The following ZNF573 variants were observed in gnomAD, a reference collection of about 807,000 sequenced individuals.
ZNF573 encodes zinc finger protein 573.
Under a neutral mutation model 57.4 loss-of-function variants are expected in ZNF573, and 41 were observed. That is an observed-to-expected ratio of 0.71 (90% confidence interval 0.56 to 0.93). The LOEUF is 0.93. Ranked by LOEUF, ZNF573 falls within the 40% of genes least tolerant of loss-of-function variation. The pLI is 0.00. For synonymous variants in ZNF573, 249 were observed against 261.0 expected (o/e 0.95, Z 0.44); for missense variants, 730 against 794.8 (o/e 0.92, Z 0.98).
chr19:37,772,671 T>C (rs1175133513), intron 2 of ZNF573, among the ~76,000 whole-genome samples: 1 of 150,220 alleles, frequency 6.7e-6, no homozygotes, highest in Non-Finnish European at 1.5e-5. Context: ...GCTCACTCTG[T>C]TGCCCAGGCT....
chr19:37,759,732 A>T (rs562386987), intron 4 of ZNF573, among the ~76,000 whole-genome samples: 1 of 152,074 alleles, frequency 6.6e-6, no homozygotes, highest in South Asian at 2.1e-4. Flanking sequence ...TGTCTCAAAA[A>T]ATAAATAAAT....
intron 4 of ZNF573, among the ~76,000 whole-genome samples, chr19:37,764,556 T>C (rs958402738): frequency 6.6e-6 from 1 of 151,638 alleles, no homozygotes; most frequent in East Asian, 1.9e-4. Flanking sequence ...CTTGACCTCG[T>C]GATCTGCCCG....
Position 37,738,929 on chromosome 19 carries a change from T to G in ZNF573, c.1561A>C (p.Thr521Pro). ...TTACATTCATAGGGTTTCATACCAGTATGAATTTTCTGATGTTGATTAAGA... is the reference window on the plus strand; with the variant it reads ...TTACATTCATAGGGTTTCATACCAGGATGAATTTTCTGATGTTGATTAAGA... ...GYLNQHQKIH[T>P]GMKPYECKVC... is the part of the protein sequence containing the mutation. Residue 521 changes from threonine (T) to proline (P), a missense_variant, in exon 5 of 5, where the codon ACT (threonine) becomes CCT (proline). Physicochemically the swap from Thr to Pro is conservative, Grantham distance 38. Coordinates refer to ENST00000536220, the MANE Select transcript of ZNF573 (RefSeq NM_001172690.2). 6.2e-7 allele frequency: 1 copy of G among 1,610,524 alleles called. No individual in the cohort carries two copies.
rs1207751384 is a variant in ZNF573 at position 37,773,703 on chromosome 19, T to C, written c.27A>G (p.Gln9=). The change falls in exon 2 of 5, where the codon CAA becomes CAG. Residue 9 remains glutamine (Q), a synonymous_variant. Coordinates refer to ENST00000536220, the MANE Select transcript of ZNF573 (RefSeq NM_001172690.2). ...AATTGTAAGACCTGATCAGTCCTAC[T>C]TGGTGGGGTTCCAATACTGGAAACA... MFPVLEPH[Q]VGLIRSYNSK... 8.5e-6 allele frequency: 13 copies of C among 1,535,774 alleles called. No individual in the cohort carries two copies. Among genetic ancestry groups the C allele is most frequent in the African/African-American group, 2.7e-5 (2 of 73,042 alleles).
chr19:37,773,266 T>C (rs1430141880), intron 2 of ZNF573, among the ~76,000 whole-genome samples: 2 of 152,234 alleles, frequency 1.3e-5, no homozygotes, highest in African/African-American at 4.8e-5. Flanking sequence ...AAATCCCATC[T>C]TATTTGCCTA....
Position 37,739,282 on chromosome 19 carries a change from T to G in ZNF573, c.1208A>C (p.Gln403Pro), listed in dbSNP as rs2045297642. 3.7e-6 allele frequency: 6 copies of G among 1,614,038 alleles called. No individual in the cohort carries two copies. The highest frequency in any genetic ancestry group is 5.1e-6 in the Non-Finnish European group (6 of 1,180,008). Residue 403 changes from glutamine to proline, a missense_variant, in exon 5 of 5, where the codon CAA becomes CCA. By Grantham distance (76) the Gln-to-Pro change is moderately conservative. Transcript: ENST00000536220. ...CTCGCCAGTATGAGTTTTCTGATGTTGAAAGAGTTTTGAACCAGTAGTATA... is the reference window on the plus strand; with the variant it reads ...CTCGCCAGTATGAGTTTTCTGATGTGGAAAGAGTTTTGAACCAGTAGTATA... The part of the protein sequence containing the change: ...KTYTTGSKLF[Q>P]HQKTHTGEKP...
In ZNF573 at chr19:37,739,567, C is replaced by T. The variant is rs944567582; in HGVS notation, c.923G>A (p.Gly308Glu). Reference protein sequence around the residue: ...DEKPYICEKCGKAFRRGHQLT... With the variant: ...DEKPYICEKCEKAFRRGHQLT... ...CTGGTGACCTCTTCTAAAGGCCTTT[C>T]CACATTTCTCACATATGTATGGCTT... The change falls in exon 5 of 5, where the codon GGA becomes GAA. Residue 308 changes from glycine (G) to glutamate (E), a missense_variant. By Grantham distance (98) the Gly-to-Glu change is moderately conservative (BLOSUM62 -2). Coordinates refer to ENST00000536220, the MANE Select transcript of ZNF573 (RefSeq NM_001172690.2). 1.6e-5 allele frequency: 26 copies of T among 1,613,348 alleles called. No homozygotes were observed. Among genetic ancestry groups the T allele is most frequent in the Non-Finnish European group, 2.1e-5 (25 of 1,179,876 alleles).
At chr19:37,753,702 C>T (rs985490492) in intron 4 of ZNF573, among the ~76,000 whole-genome samples, 1 of 152,088 alleles carries the variant, frequency 6.6e-6, no homozygotes, top group Non-Finnish European at 1.5e-5. Flanking sequence ...ATTTAAAGCA[C>T]ATACTATTAG....
chr19:37,745,878 C>T (rs537833536), intron 4 of ZNF573, among the ~76,000 whole-genome samples: 2 of 152,194 alleles, frequency 1.3e-5, no homozygotes, highest in South Asian at 4.1e-4. Flanking sequence ...TAACCAAAGA[C>T]AATCCAAAGT....
intron 4 of ZNF573, among the ~76,000 whole-genome samples, chr19:37,768,464 T>A (rs2045621544): frequency 6.6e-6 from 1 of 152,090 alleles, no homozygotes; most frequent in Non-Finnish European, 1.5e-5. Flanking sequence ...CTTAGCCTTC[T>A]AAGCTCTTTA....
At chr19:37,750,875 T>C (rs1444220597) in intron 4 of ZNF573, among the ~76,000 whole-genome samples, 2 of 142,526 alleles carry the variant, frequency 1.4e-5, no homozygotes, top group Non-Finnish European at 1.5e-5. Flanking sequence ...TTGTGGAAAA[T>C]GACAAGCTGA....
chr19:37,744,761 A>G (rs2045363292), intron 4 of ZNF573, among the ~76,000 whole-genome samples: 1 of 151,378 alleles, frequency 6.6e-6, no homozygotes, highest in Non-Finnish European at 1.5e-5. Flanking sequence ...AAAAAAGAAA[A>G]AAAAAAAGAA....
chr19:37,750,346 A>C (rs531116478), intron 4 of ZNF573, among the ~76,000 whole-genome samples: 1 of 152,300 alleles, frequency 6.6e-6, no homozygotes, highest in South Asian at 2.1e-4. Flanking sequence ...GGCCTCCCAA[A>C]GTGCTGGGAT....
chr19:37,742,077 C>T (rs190445217), intron 4 of ZNF573, among the ~76,000 whole-genome samples: 30 of 152,068 alleles, frequency 2.0e-4, no homozygotes, highest in African/African-American at 7.0e-4. Context: ...CATTCATAAT[C>T]GCTACAAAGA....
intron 4 of ZNF573, among the ~76,000 whole-genome samples, chr19:37,756,172 G>A (rs1346836408): frequency 2.0e-5 from 3 of 152,206 alleles, no homozygotes; most frequent in African/African-American, 7.2e-5. Context: ...TAGGATCAAT[G>A]TCGGCCTACC....
intron 4 of ZNF573, among the ~76,000 whole-genome samples, chr19:37,743,440 T>C (rs1293146788): frequency 6.6e-6 from 1 of 151,790 alleles, no homozygotes; most frequent in African/African-American, 2.4e-5. Context: ...CACAATGAGA[T>C]ACCATCTCAC....
At chr19:37,761,810 A>G (rs1378057139) in intron 4 of ZNF573, among the ~76,000 whole-genome samples, 2 of 152,126 alleles carry the variant, frequency 1.3e-5, no homozygotes, top group Admixed American at 1.3e-4. Flanking sequence ...TTTCCCCTGT[A>G]CCTTTGGATC....
At chr19:37,774,082 C>T (rs947989846) in intron 1 of ZNF573, among the ~76,000 whole-genome samples, 38 of 151,384 alleles carry the variant, frequency 2.5e-4, no homozygotes, top group African/African-American at 9.0e-4. Flanking sequence ...TTCATTCCCA[C>T]CTTCCAAGGC....
At chr19:37,773,626 A>G in intron 2 of ZNF573, 35 bp downstream of exon 2, 1 of 1,495,616 alleles carries the variant, frequency 6.7e-7, no homozygotes, top group Non-Finnish European at 9.0e-7. Flanking sequence ...ACCTATGATC[A>G]TGATATTGCA....
Sources: allele counts gnomAD v4.1 joint callset (sites outside exome capture counted in the v4.1 genomes callset), GRCh38; gene constraint gnomAD v4.1.1; transcripts MANE v1.5; gene names NCBI Gene and HGNC (gene_info 2026-07-23, HGNC 2026-07-21).